The following SLC4A5 variants were observed in gnomAD, a reference collection of about 807,000 sequenced individuals.
SLC4A5 encodes solute carrier family 4 member 5, also known as electrogenic sodium bicarbonate cotransporter 4.
Under a neutral mutation model 120.4 loss-of-function variants are expected in SLC4A5, and 96 were observed. That is an observed-to-expected ratio of 0.80 (90% CI 0.68 to 0.94). The LOEUF is 0.94. SLC4A5 is among the 40% of genes least tolerant of loss of function. The pLI, the probability that SLC4A5 is intolerant of heterozygous loss-of-function variation, is 0.00. For missense variants in SLC4A5, 1,259 were observed against 1,459.5 expected (o/e 0.86, Z 2.24); for synonymous variants, 550 against 571.1 (o/e 0.96, Z 0.53).
rs34576700 is a variant in SLC4A5 at position 74,246,004 on chromosome 2, G to GT, written c.2059+1031dup. ...GTCTCTGGACCTCAGTTTGCTCTCT[G>GT]TGAGTCCAGCCTTGGTGCTTGGAGA... On this transcript the variant is annotated intron_variant, in intron 19 of 30. Transcript: ENST00000394019. Among the ~76,000 whole-genome samples the GT allele has an allele frequency of 4.2e-3, 642 of 152,306 alleles. 2 individuals are homozygous for GT. The highest frequency in any genetic ancestry group is 6.5e-3 in the Non-Finnish European group (439 of 68,034).
At chr2:74,315,049 C>G in intron 5 of SLC4A5, 24 bp from the exon 6 acceptor site, 3 of 1,580,016 alleles carry the variant, frequency 1.9e-6, no homozygotes, top group Non-Finnish European at 2.6e-6. Flanking sequence ...GGAACACAGC[C>G]TCAAAATGTA....
intron 5 of SLC4A5, among the ~76,000 whole-genome samples, chr2:74,327,918 G>C (rs550321796): frequency 6.6e-6 from 1 of 152,204 alleles, no homozygotes; most frequent in Admixed American, 6.5e-5. Flanking sequence ...TCAAGGCCAG[G>C]GTGATAAAAA....
At chr2:74,252,261 C>T (rs988576098) in exon 16 of SLC4A5, 17 of 1,609,076 alleles carry the variant, frequency 1.1e-5, no homozygotes, top group East Asian at 6.7e-5. Flanking sequence ...CCGCCGGCCC[C>T]GCCACTGCCA....
chr2:74,314,980 T>C, exon 6 of SLC4A5: 1 of 1,614,018 alleles, frequency 6.2e-7, no homozygotes, highest in East Asian at 2.2e-5. Flanking sequence ...GTGGTTAGTG[T>C]GGTCCAGCTT....
At chr2:74,235,668 C>G (rs1670246212) in intron 21 of SLC4A5, among the ~76,000 whole-genome samples, 1 of 152,176 alleles carries the variant, frequency 6.6e-6, no homozygotes, top group Non-Finnish European at 1.5e-5. Flanking sequence ...TGTTGTACCC[C>G]ACCTGGGCTA....
intron 21 of SLC4A5, among the ~76,000 whole-genome samples, chr2:74,238,799 T>G (rs890711810): frequency 2.6e-5 from 4 of 152,138 alleles, no homozygotes; most frequent in African/African-American, 9.7e-5. Context: ...TTGAGGAAAG[T>G]TTGATATATT....
chr2:74,311,570 T>C (rs1238749918), intron 6 of SLC4A5, among the ~76,000 whole-genome samples: 1 of 152,240 alleles, frequency 6.6e-6, no homozygotes, highest in African/African-American at 2.4e-5. Context: ...CATATATTAT[T>C]TAGAAGTGTA....
chr2:74,328,059 C>G, intron 5 of SLC4A5, 61 bp downstream of exon 5: 1 of 892,214 alleles, frequency 1.1e-6, no homozygotes, highest in Non-Finnish European at 1.3e-6. Context: ...CTATGAAACA[C>G]ATTTTCCCTT....
intron 29 of SLC4A5, among the ~76,000 whole-genome samples, chr2:74,222,473 TG>T (rs1194369831): frequency 6.6e-6 from 1 of 152,132 alleles, no homozygotes; most frequent in Non-Finnish European, 1.5e-5. Context: ...TCCCAGGCCA[TG>T]GAACAGTAGC....
intron 5 of SLC4A5, among the ~76,000 whole-genome samples, chr2:74,325,153 T>C (rs1673189093): frequency 6.6e-6 from 1 of 152,218 alleles, no homozygotes; most frequent in South Asian, 2.1e-4. Context: ...CTTTCCAACA[T>C]GATTTTAAAA....
chr2:74,329,059 C>T (rs1028153085), intron 4 of SLC4A5, among the ~76,000 whole-genome samples: 2 of 152,054 alleles, frequency 1.3e-5, no homozygotes, highest in South Asian at 2.1e-4. Flanking sequence ...TCACTCCAGC[C>T]AAAAGGATGG....
chr2:74,291,117 C>T (rs1162150924), intron 7 of SLC4A5, among the ~76,000 whole-genome samples: 1 of 152,164 alleles, frequency 6.6e-6, no homozygotes, highest in Admixed American at 6.6e-5. Flanking sequence ...TCTTTCCTCC[C>T]CAACTTTAAA....
chr2:74,308,342 A>C (rs1018809939), intron 6 of SLC4A5, among the ~76,000 whole-genome samples: 4 of 152,244 alleles, frequency 2.6e-5, no homozygotes, highest in Non-Finnish European at 5.9e-5. Context: ...CATTCCCACC[A>C]GCAATGGAAG....
chr2:74,230,066 C>A (rs1033487980), intron 25 of SLC4A5, among the ~76,000 whole-genome samples: 4 of 151,850 alleles, frequency 2.6e-5, no homozygotes, highest in African/African-American at 7.3e-5. Flanking sequence ...GTTGCCCAGG[C>A]TGGTCTCAAG....
chr2:74,261,124 C>A (rs1399515781), intron 11 of SLC4A5, among the ~76,000 whole-genome samples: 1 of 152,192 alleles, frequency 6.6e-6, no homozygotes. Context: ...CACCTCATGG[C>A]GGGTGCCCAC....
At chr2:74,236,208 C>T (rs1335866913) in intron 21 of SLC4A5, among the ~76,000 whole-genome samples, 1 of 152,126 alleles carries the variant, frequency 6.6e-6, no homozygotes, top group Non-Finnish European at 1.5e-5. Context: ...AACTAATATG[C>T]ATATACTTTA....
At chr2:74,303,680 G>T (rs973260315) in intron 7 of SLC4A5, among the ~76,000 whole-genome samples, 1 of 152,126 alleles carries the variant, frequency 6.6e-6, no homozygotes, top group African/African-American at 2.4e-5. Context: ...GGGCTTTGTT[G>T]TCCTGGAAGA....
At chr2:74,298,248 A>G (rs1404347591) in intron 7 of SLC4A5, among the ~76,000 whole-genome samples, 1 of 152,252 alleles carries the variant, frequency 6.6e-6, no homozygotes, top group African/African-American at 2.4e-5. Flanking sequence ...GGAATATAAT[A>G]GAAAGCACAG....
intron 3 of SLC4A5, among the ~76,000 whole-genome samples, chr2:74,337,638 A>G (rs2104354585): frequency 6.6e-6 from 1 of 152,340 alleles, no homozygotes; most frequent in South Asian, 2.1e-4. Context: ...TTTAGAAGAG[A>G]AGCTTGGGCA....
Sources: allele counts gnomAD v4.1 joint callset (sites outside exome capture counted in the v4.1 genomes callset), GRCh38; gene constraint gnomAD v4.1.1; transcripts MANE v1.5; gene names NCBI Gene and HGNC (gene_info 2026-07-23, HGNC 2026-07-21).